AGBL4: variants seen among roughly 807,000 people sequenced by gnomAD.
AGBL4 encodes AGBL carboxypeptidase 4.
AGBL4 carries 58 observed loss-of-function variants against 66.4 expected under a neutral mutation model. The ratio of observed to expected loss-of-function variants is 0.87; its 90% CI spans 0.71 to 1.09. The LOEUF is 1.09. Ranked by LOEUF, AGBL4 falls within the 50% of genes least tolerant of loss-of-function variation. The pLI is 0.00. For synonymous variants in AGBL4, 234 were observed against 222.9 expected, an observed-to-expected ratio of 1.05 and a Z score of -0.44; for missense variants, 579 against 631.0, an observed-to-expected ratio of 0.92 and a Z score of 0.88.
intron 4 of AGBL4, among the ~76,000 whole-genome samples, chr1:49,095,260 C>A (rs1645074257): frequency 6.6e-6 from 1 of 152,148 alleles, no homozygotes; most frequent in South Asian, 2.1e-4. Context: ...CCATACTGCT[C>A]AAGGTAATTT....
chr1:48,604,145 A>G (rs1209814811), intron 9 of AGBL4, among the ~76,000 whole-genome samples: 1 of 151,840 alleles, frequency 6.6e-6, no homozygotes, highest in Non-Finnish European at 1.5e-5. Context: ...AACAAAACAA[A>G]ACAAAACAAA....
chr1:49,655,913 C>A (rs1185659563), intron 3 of AGBL4, among the ~76,000 whole-genome samples: 1 of 152,138 alleles, frequency 6.6e-6, no homozygotes, highest in Non-Finnish European at 1.5e-5. Flanking sequence ...CTTTGGGAGG[C>A]CGAGGTGGGC....
intron 3 of AGBL4, among the ~76,000 whole-genome samples, chr1:49,607,901 G>A (rs1451784364): frequency 6.6e-6 from 1 of 152,110 alleles, no homozygotes; most frequent in Non-Finnish European, 1.5e-5. Flanking sequence ...AATTTAATCA[G>A]CAATCTCCAG....
At chr1:49,972,479 A>G (rs1460363870) in intron 1 of AGBL4, among the ~76,000 whole-genome samples, 1 of 152,140 alleles carries the variant, frequency 6.6e-6, no homozygotes, top group Non-Finnish European at 1.5e-5. Flanking sequence ...CAATTCCATC[A>G]ATGTTGCTGC....
chr1:49,236,354 C>A (rs1650744074), intron 4 of AGBL4, among the ~76,000 whole-genome samples: 2 of 152,194 alleles, frequency 1.3e-5, no homozygotes, highest in Admixed American at 6.5e-5. Flanking sequence ...TAGAGTTCTT[C>A]ATTTTGTAAC....
chr1:49,875,115 T>C (rs1257888894), intron 1 of AGBL4, among the ~76,000 whole-genome samples: 1 of 149,546 alleles, frequency 6.7e-6, no homozygotes, highest in African/African-American at 2.4e-5. Flanking sequence ...CTAAGAATGA[T>C]GATTTCCAAT....
intron 2 of AGBL4, among the ~76,000 whole-genome samples, chr1:49,833,225 T>G (rs1477733297): frequency 6.6e-6 from 1 of 152,238 alleles, no homozygotes; most frequent in Non-Finnish European, 1.5e-5. Context: ...TAGCCAGTTT[T>G]CCAAGCACCA....
At chr1:49,317,288 T>A (rs1645057210) in intron 3 of AGBL4, among the ~76,000 whole-genome samples, 1 of 151,970 alleles carries the variant, frequency 6.6e-6, no homozygotes, top group African/African-American at 2.4e-5. Flanking sequence ...GGAGTAATCC[T>A]AAATATACCT....
At chr1:49,468,414 A>G (rs1646672600) in intron 3 of AGBL4, among the ~76,000 whole-genome samples, 2 of 151,780 alleles carry the variant, frequency 1.3e-5, no homozygotes, top group Admixed American at 1.3e-4. Flanking sequence ...CAAATGCCAT[A>G]ATCCTGAATG....
intron 3 of AGBL4, among the ~76,000 whole-genome samples, chr1:49,313,764 T>C (rs1235786372): frequency 1.3e-5 from 2 of 152,226 alleles, no homozygotes; most frequent in Admixed American, 6.5e-5. Context: ...ATTCTAGATA[T>C]TAGCCCTTTG....
intron 1 of AGBL4, among the ~76,000 whole-genome samples, chr1:50,020,078 T>C (rs1277938842): frequency 6.6e-6 from 1 of 152,000 alleles, no homozygotes; most frequent in Non-Finnish European, 1.5e-5. Flanking sequence ...ATCTTAAGTG[T>C]CCCTTATTCC....
intron 6 of AGBL4, among the ~76,000 whole-genome samples, chr1:48,675,289 C>G (rs539948057): frequency 6.6e-6 from 1 of 152,318 alleles, no homozygotes; most frequent in East Asian, 1.9e-4. Flanking sequence ...CTCCCTAGAC[C>G]CCCTTGACAG....
At chr1:49,489,029 C>T (rs11803165) in intron 3 of AGBL4, among the ~76,000 whole-genome samples, 7,538 of 151,788 alleles carry the variant, frequency 0.05, 240 homozygotes, top group African/African-American at 0.07. Context: ...TACTGATTTC[C>T]TATCTTTTCG....
intron 3 of AGBL4, among the ~76,000 whole-genome samples, chr1:49,567,252 G>C (rs984726140): frequency 5.9e-5 from 9 of 152,204 alleles, no homozygotes; most frequent in African/African-American, 1.2e-4. Context: ...CACTTTCCGG[G>C]TGAGGTGATG....
chr1:49,960,677 T>C (rs1657048388), intron 1 of AGBL4, among the ~76,000 whole-genome samples: 1 of 152,152 alleles, frequency 6.6e-6, no homozygotes, highest in Admixed American at 6.6e-5. Flanking sequence ...ATCTCATGGA[T>C]AAGTACAATC....
At chr1:48,632,502 C>T (rs1004221715) in intron 9 of AGBL4, among the ~76,000 whole-genome samples, 4 of 152,162 alleles carry the variant, frequency 2.6e-5, no homozygotes, top group Non-Finnish European at 5.9e-5. Context: ...CCCTAAACTC[C>T]CATTTCTCTC....
intron 3 of AGBL4, among the ~76,000 whole-genome samples, chr1:49,677,825 GC>G (rs1646610551): frequency 6.6e-6 from 1 of 152,128 alleles, no homozygotes; most frequent in Non-Finnish European, 1.5e-5. Context: ...GAGCTTGCTT[GC>G]TTTCTCCACA....
intron 3 of AGBL4, among the ~76,000 whole-genome samples, chr1:49,309,943 T>C (rs1644915545): frequency 6.6e-6 from 1 of 152,086 alleles, no homozygotes; most frequent in African/African-American, 2.4e-5. Context: ...GTGTGGTGAG[T>C]AAAGTGCATG....
chr1:48,919,359 G>C (rs1278420542), intron 5 of AGBL4, among the ~76,000 whole-genome samples: 1 of 152,154 alleles, frequency 6.6e-6, no homozygotes, highest in African/African-American at 2.4e-5. Flanking sequence ...CCTGCTGCTG[G>C]TGAAGCTTTG....
Sources: gnomAD v4.1 joint callset for allele counts (sites outside exome capture counted in the v4.1 genomes callset) on GRCh38, gnomAD v4.1.1 for gene constraint, MANE v1.5 for transcripts, NCBI Gene and HGNC (gene_info 2026-07-23, HGNC 2026-07-21) for gene names.